Variants in DOCK1 observed in about 807,000 individuals in gnomAD.
DOCK1 encodes dedicator of cytokinesis protein 1.
A neutral mutation model predicts 262.7 loss-of-function variants in DOCK1; 138 were observed. That is an observed-to-expected ratio of 0.53 (90% CI 0.46 to 0.61). The LOEUF (loss-of-function observed/expected upper bound fraction) is 0.61, where lower values mean the gene tolerates loss of function less well. Among genes scored for constraint, DOCK1 ranks in the 20% least tolerant of loss-of-function variants. The probability of loss-of-function intolerance (pLI) is 0.00; values close to 1 mark genes in which losing one functional copy is unlikely to be tolerated. For missense variants in DOCK1, 1,908 were observed against 2,370.7 expected (o/e 0.80, Z 4.05); for synonymous variants, 866 against 867.4 (o/e 1.00, Z 0.03).
intron 13 of DOCK1, among the ~76,000 whole-genome samples, chr10:127,022,429 A>G (rs149756549): frequency 2.4e-4 from 36 of 152,172 alleles, no homozygotes; most frequent in Admixed American, 6.5e-4. Flanking sequence ...TGCTGCACCC[A>G]TTAGCTCGCT....
intron 1 of DOCK1, among the ~76,000 whole-genome samples, chr10:126,957,460 A>T (rs1173490104): frequency 6.6e-6 from 1 of 152,186 alleles, no homozygotes; most frequent in Non-Finnish European, 1.5e-5. Flanking sequence ...GGAATGTTCA[A>T]TCCAGCCTTA....
chr10:127,409,066 G>T lies in DOCK1; in HGVS notation c.4152G>T (p.Glu1384Asp). Residue 1384 changes from glutamate to aspartate, a missense_variant, in exon 41 of 52, where the codon GAG (glutamate) becomes GAT (aspartate). Glu to Asp is a conservative substitution (Grantham distance 45). This residue lies in a region of DOCK1 where 267 missense variants were observed against 366.3 expected (regional missense o/e 0.73). Transcript: ENST00000623213. Reference protein sequence around the residue: ...RGKVFIYRGKEYERREDFEAR... With the variant: ...RGKVFIYRGKDYERREDFEAR... ...AAGTTTTCATTTACCGAGGGAAAGAGTATGAGCGCCGGGAAGATTTTGAGG... is the reference window on the plus strand; with the variant it reads ...AAGTTTTCATTTACCGAGGGAAAGATTATGAGCGCCGGGAAGATTTTGAGG... 1 of 1,592,586 alleles carries T rather than the reference G, an allele frequency of 6.3e-7. No individual in the cohort carries two copies. The highest frequency in any genetic ancestry group is 1.1e-5 in the South Asian group (1 of 87,824).
rs911625941 is a variant in DOCK1 at position 127,230,757 on chromosome 10, G to GT, written c.2848-17243dup. Among the ~76,000 whole-genome samples the GT allele has an allele frequency of 3.7e-4, 56 of 150,570 alleles. 1 individual carries two copies. Among genetic ancestry groups the GT allele is most frequent in the Admixed American group, 6.0e-4 (9 of 15,116 alleles). On this transcript the variant is annotated intron_variant, in intron 27 of 51. Coordinates refer to ENST00000623213, the MANE Select transcript of DOCK1 (RefSeq NM_001290223.2). ...TTGCTTTAGCTATTCTGGGTTTTTT[G>GT]TTTTTTTTGTTTTTTGTTTTTTTGT...
chr10:127,294,378 A>G (rs1590313389), intron 29 of DOCK1, among the ~76,000 whole-genome samples: 1 of 151,954 alleles, frequency 6.6e-6, no homozygotes, highest in African/African-American at 2.4e-5. Flanking sequence ...CTGGAGTGCA[A>G]TGGTACCATC....
intron 27 of DOCK1, among the ~76,000 whole-genome samples, chr10:127,130,065 C>CTTTTTTTTTTTTTTTTT (rs74721427): frequency 8.5e-6 from 1 of 117,546 alleles, no homozygotes; most frequent in African/African-American, 3.9e-5. Context: ...TTAGGGTCTT[C>CTTTTTTTTTTTTTTTTT]TTTTTTTTTT....
Position 127,194,261 on chromosome 10 carries a change from C to A in DOCK1, c.2848-53747C>A, listed in dbSNP as rs543904843. Among the ~76,000 whole-genome samples the A allele has an allele frequency of 4.9e-4, 75 of 152,166 alleles. 1 individual carries two copies. Among genetic ancestry groups the A allele is most frequent in the Non-Finnish European group, 9.4e-4 (64 of 68,032 alleles). ...TTTTTCTTTTCCTTAACCAAATGCG[C>A]CTCTAATAAAACCATCGTGAGGAGC... On this transcript the variant is annotated intron_variant, in intron 27 of 51. Transcript: ENST00000623213.
At chr10:127,072,351 G>A (rs1344287527) in intron 23 of DOCK1, among the ~76,000 whole-genome samples, 1 of 152,176 alleles carries the variant, frequency 6.6e-6, no homozygotes, top group Non-Finnish European at 1.5e-5. Flanking sequence ...TCTCATGGTG[G>A]TTCCATTGGA....
chr10:127,322,011 G>A (rs2062554171), intron 29 of DOCK1, among the ~76,000 whole-genome samples: 1 of 151,818 alleles, frequency 6.6e-6, no homozygotes, highest in African/African-American at 2.4e-5. Context: ...GCTGAGGCAC[G>A]AGGATCACTT....
At chr10:127,398,743 G>T (rs1028015574) in intron 38 of DOCK1, among the ~76,000 whole-genome samples, 1 of 152,150 alleles carries the variant, frequency 6.6e-6, no homozygotes, top group Non-Finnish European at 1.5e-5. Flanking sequence ...AACCAGAGTC[G>T]CCCACCAGTA....
chr10:127,155,809 G>A (rs1464180541), intron 27 of DOCK1, among the ~76,000 whole-genome samples: 6 of 152,192 alleles, frequency 3.9e-5, no homozygotes, highest in Admixed American at 3.9e-4. Flanking sequence ...TCTAAGCTCA[G>A]TGCTGACCAA....
chr10:127,177,507 T>A (rs1162973043), intron 27 of DOCK1, among the ~76,000 whole-genome samples: 1 of 152,240 alleles, frequency 6.6e-6, no homozygotes, highest in Non-Finnish European at 1.5e-5. Flanking sequence ...TCCCCCCTTG[T>A]GTTTGAGAAG....
chr10:127,168,823 G>C, intron 27 of DOCK1, among the ~76,000 whole-genome samples: 1 of 152,296 alleles, frequency 6.6e-6, no homozygotes, highest in Non-Finnish European at 1.5e-5. Context: ...CACAGCTGCT[G>C]CAGCGGTGCA....
intron 27 of DOCK1, among the ~76,000 whole-genome samples, chr10:127,186,398 G>A (rs564856279): frequency 1.5e-4 from 23 of 151,916 alleles, no homozygotes; most frequent in African/African-American, 5.1e-4. Flanking sequence ...ATGGTGGTGC[G>A]TGCCTGTAAT....
chr10:127,301,602 T>C (rs1421244002), intron 29 of DOCK1, among the ~76,000 whole-genome samples: 5 of 152,192 alleles, frequency 3.3e-5, no homozygotes, highest in African/African-American at 9.6e-5. Flanking sequence ...AAATGTATTA[T>C]GGGCAAGGGT....
At chr10:127,345,520 C>T (rs1226394875) in intron 31 of DOCK1, among the ~76,000 whole-genome samples, 1 of 152,248 alleles carries the variant, frequency 6.6e-6, no homozygotes, top group Non-Finnish European at 1.5e-5. Context: ...ACCTGGCCAT[C>T]TTTCCTTCAG....
intron 27 of DOCK1, among the ~76,000 whole-genome samples, chr10:127,227,988 A>G (rs184028729): frequency 2.6e-5 from 4 of 152,194 alleles, no homozygotes; most frequent in African/African-American, 7.2e-5. Context: ...CAGAAACCTG[A>G]TATGTTGGCA....
chr10:127,070,250 CT>C (rs71032535), intron 23 of DOCK1, among the ~76,000 whole-genome samples: 45 of 92,948 alleles, frequency 4.8e-4, no homozygotes, highest in African/African-American at 1.2e-3. Context: ...GAATTTAGCC[CT>C]TTTTTTTTTT....
chr10:127,056,251 A>G (rs1449306867), intron 22 of DOCK1, among the ~76,000 whole-genome samples: 1 of 152,132 alleles, frequency 6.6e-6, no homozygotes, highest in East Asian at 1.9e-4. Context: ...GTCACTCAGG[A>G]TGGAGTACTG....
chr10:126,961,488 C>G (rs982644703), intron 1 of DOCK1, among the ~76,000 whole-genome samples: 1 of 152,214 alleles, frequency 6.6e-6, no homozygotes, highest in African/African-American at 2.4e-5. Context: ...CTCACTCCTT[C>G]GTCCTCCCAG....
Sources: gnomAD v4.1 joint callset for allele counts (sites outside exome capture counted in the v4.1 genomes callset) on GRCh38, gnomAD v4.1.1 for gene constraint, gnomAD v4.1.1 regional missense constraint, MANE v1.5 for transcripts, NCBI Gene and HGNC (gene_info 2026-07-23, HGNC 2026-07-21) for gene names.